F5: variants seen among roughly 807,000 people sequenced by gnomAD.
F5 encodes the protein activated protein c cofactor.
Under a neutral mutation model 216.4 loss-of-function variants are expected in F5, and 138 were observed. That is an observed-to-expected ratio of 0.64 (90% CI 0.56 to 0.73). The LOEUF (loss-of-function observed/expected upper bound fraction) is 0.73. Ranked by LOEUF, F5 falls within the 30% of genes least tolerant of loss-of-function variation. The probability of loss-of-function intolerance (pLI) is 0.00; values close to 1 mark genes in which losing one functional copy is unlikely to be tolerated. For synonymous variants in F5, 916 were observed against 930.7 expected (o/e 0.98, Z 0.29); for missense variants, 2,403 against 2,674.0 (o/e 0.90, Z 2.24).
intron 2 of F5, among the ~76,000 whole-genome samples, chr1:169,579,444 G>C (rs1211237308): frequency 6.6e-6 from 1 of 152,098 alleles, no homozygotes; most frequent in Non-Finnish European, 1.5e-5. Flanking sequence ...TTGTTCTGAT[G>C]TCTCCCAAAT....
chr1:169,540,451 C>A lies in F5; in HGVS notation c.4639G>T (p.Asp1547Tyr). 6.2e-7 allele frequency: 1 copy of A among 1,613,988 alleles called. No individual in the cohort carries two copies. Among genetic ancestry groups the A allele is most frequent in the Non-Finnish European group, 8.5e-7 (1 of 1,179,958 alleles). ...DYAEIDYVPY[D>Y]DPYKTDVRTN... ...CTAACATCAGTTTTGTAGGGGTCAT[C>A]ATAGGGCACATAATCAATTTCAGCA... is the stretch of plus-strand genomic sequence containing the variant. Residue 1547 changes from aspartate (D) to tyrosine (Y), a missense_variant, in exon 13 of 25, where the codon GAT becomes TAT. Physicochemically the swap from Asp to Tyr is radical, Grantham distance 160 (BLOSUM62 -3). This residue lies in a region of F5 where 293 missense variants were observed against 270.8 expected (regional missense o/e 1.08). Transcript: ENST00000367797.
Position 169,525,617 on chromosome 1 carries a change from T to C in F5, c.5716+284A>G, listed in dbSNP as rs1031465709. Among the ~76,000 whole-genome samples, 3 of 152,318 alleles carry C rather than the reference T, an allele frequency of 2.0e-5. No individual in the cohort carries two copies. In the East Asian group the frequency reaches 5.8e-4, roughly 29 times the overall value. On this transcript the variant is annotated intron_variant, in intron 18 of 24. Transcript: ENST00000367797. Reference sequence around the variant, plus strand: ...TCCTGTGACCTTTTCCCTCCTCAACTCTTGGAAGCTGGAAAATTTCTTATA... The same window carrying C: ...TCCTGTGACCTTTTCCCTCCTCAACCCTTGGAAGCTGGAAAATTTCTTATA...
chr1:169,551,221 G>C (rs2420375), intron 8 of F5, among the ~76,000 whole-genome samples: 35,539 of 152,106 alleles, frequency 0.23, 4,271 homozygotes, highest in Admixed American at 0.33. Flanking sequence ...GGCTGAAGCA[G>C]GTGGATCACT....
rs1379371328 is a variant in F5, at chr1:169,512,416, A to C, written c.*1897T>G. On this transcript the variant is annotated 3_prime_UTR_variant, in exon 25 of 25. Coordinates refer to ENST00000367797, the MANE Select transcript of F5 (RefSeq NM_000130.5). Reference sequence around the variant, plus strand: ...TTTCAGAGTAGAGAAGCCCAGGACTAGCTGCGTAATTTGTGGGGCTCATTG... The same window carrying C: ...TTTCAGAGTAGAGAAGCCCAGGACTCGCTGCGTAATTTGTGGGGCTCATTG... Among the ~76,000 whole-genome samples, 1 of 152,058 alleles carries C rather than the reference A, an allele frequency of 6.6e-6. No individual in the cohort carries two copies. Among genetic ancestry groups the C allele is most frequent in the African/African-American group, 2.4e-5 (1 of 41,436 alleles).
At chr1:169,520,166 T>G (rs1169875835) in intron 22 of F5, among the ~76,000 whole-genome samples, 1 of 152,198 alleles carries the variant, frequency 6.6e-6, no homozygotes, top group Non-Finnish European at 1.5e-5. Context: ...CATTGAAGTT[T>G]GAGTGACCTG....
chr1:169,555,458 G>C, intron 6 of F5, 111 bp from the exon 7 acceptor site: 2 of 1,185,402 alleles, frequency 1.7e-6, no homozygotes, highest in South Asian at 2.6e-5. Context: ...TATAATAAGA[G>C]TGAAAGTAAT....
intron 3 of F5, among the ~76,000 whole-genome samples, chr1:169,564,936 G>A (rs1660565829): frequency 1.3e-5 from 2 of 152,020 alleles, no homozygotes; most frequent in South Asian, 4.1e-4. Context: ...CTTGCATAAA[G>A]TCCTTAACGT....
chr1:169,562,966 C>A (rs1310489664), intron 3 of F5, among the ~76,000 whole-genome samples: 4 of 152,024 alleles, frequency 2.6e-5, no homozygotes, highest in Admixed American at 1.3e-4. Context: ...TTTCTTCTAT[C>A]TAAAGGAGTT....
chr1:169,540,678 T>G lies in F5; in HGVS notation c.4412A>C (p.Gln1471Pro). ...DQIFYPSESS[Q>P]SLLLQEFNES... is the part of the protein sequence containing the mutation. ...ATTAAATTCTTGAAGAAGCAATGAC[T>G]GACTAGATTCAGAAGGGTAGAATAT... Residue 1471 changes from glutamine to proline, a missense_variant, in exon 13 of 25, where the codon CAG becomes CCG. Physicochemically the swap from Gln to Pro is moderately conservative, Grantham distance 76. Coordinates refer to ENST00000367797, the MANE Select transcript of F5 (RefSeq NM_000130.5). 4 of 1,614,074 alleles carry G rather than the reference T, an allele frequency of 2.5e-6. No homozygotes were observed. The highest frequency in any genetic ancestry group is 3.4e-6 in the Non-Finnish European group (4 of 1,179,974).
Position 169,541,459 on chromosome 1 carries a change from T to C in F5, c.3631A>G (p.Thr1211Ala), listed in dbSNP as rs140303718. Residue 1211 changes from threonine (T) to alanine (A), a missense_variant, in exon 13 of 25, where the codon ACG becomes GCG. Coordinates refer to ENST00000367797, the MANE Select transcript of F5 (RefSeq NM_000130.5). ...QTNLSPDLSHTTLSPELIQRN... is the reference protein window; with the variant it reads ...QTNLSPDLSHATLSPELIQRN... ...TGAATGAGTTCTGGAGAGAGAGTCG[T>C]GTGGCTGAGGTCTGGAGAGAGGTTT... 2 of 1,613,838 alleles carry C rather than the reference T, an allele frequency of 1.2e-6. No individual in the cohort carries two copies. The highest frequency in any genetic ancestry group is 1.7e-6 in the Non-Finnish European group (2 of 1,179,986).
In F5 at chr1:169,519,568, C is replaced by T. The variant is rs554215333; in HGVS notation, c.6193+952G>A. Among the ~76,000 whole-genome samples, 6 of 152,326 alleles carry T rather than the reference C, an allele frequency of 3.9e-5. No individual in the cohort carries two copies. In the East Asian group the frequency reaches 1.2e-3, roughly 29 times the overall value. ...ATACCCATATCCATCCAAGGGTATA[C>T]TGTGCCATTATCTGCTTCAACAGGA... On this transcript the variant is annotated intron_variant, in intron 22 of 24. Coordinates refer to ENST00000367797, the MANE Select transcript of F5 (RefSeq NM_000130.5).
At chr1:169,523,076 C>A in intron 21 of F5, 121 bp downstream of exon 21, 3 of 1,050,824 alleles carry the variant, frequency 2.9e-6, no homozygotes, top group Non-Finnish European at 4.3e-6. Flanking sequence ...CCTTAGAAAG[C>A]CATTCACATT....
At chr1:169,551,701 T>C (rs975649097) in intron 8 of F5, among the ~76,000 whole-genome samples, 4 of 152,222 alleles carry the variant, frequency 2.6e-5, no homozygotes, top group African/African-American at 9.6e-5. Flanking sequence ...CTTAATCCTA[T>C]CTTCTATTTG....
In F5 at chr1:169,560,657, G is replaced by C. The variant is rs781747159; in HGVS notation, c.483C>G (p.Thr161=). ...GTGTGAGGCATGGAGGGTCATCATG[G>C]GTGGGTCCACTGTCCTCACTGATAC... is the stretch of plus-strand genomic sequence containing the variant. ...EWSISEDSGP[T]HDDPPCLTHI... is the part of the protein sequence containing the mutation. Residue 161 remains threonine (T), a synonymous_variant, in exon 4 of 25, where the codon ACC becomes ACG. Transcript: ENST00000367797. 5 of 1,613,720 alleles carry C rather than the reference G, an allele frequency of 3.1e-6. No individual in the cohort carries two copies. In the South Asian group the frequency reaches 4.4e-5, roughly 14 times the overall value.
intron 3 of F5, among the ~76,000 whole-genome samples, chr1:169,571,184 A>G (rs2213871): frequency 0.25 from 37,270 of 152,088 alleles, 5,379 homozygotes; most frequent in South Asian, 0.36. Flanking sequence ...TCTGAACATC[A>G]GCATAATGGG....
intron 14 of F5, among the ~76,000 whole-genome samples, chr1:169,532,386 G>T (rs112010780): frequency 6.6e-6 from 1 of 152,034 alleles, no homozygotes; most frequent in African/African-American, 2.4e-5. Flanking sequence ...GGCAACCAAA[G>T]AAGAAAAGAA....
intron 1 of F5, among the ~76,000 whole-genome samples, chr1:169,585,544 G>T (rs1202529677): frequency 1.3e-5 from 2 of 151,986 alleles, no homozygotes; most frequent in Admixed American, 6.6e-5. Flanking sequence ...TATTTTATCT[G>T]AATTAAACCT....
rs1453659819 is a variant in F5, at chr1:169,512,518, T to C, written c.*1795A>G. ...TAACTGCAAAGCATTAAATTTAGCA[T>C]GCGGTCCTTCTGAGCATGTGACCCT... On this transcript the variant is annotated 3_prime_UTR_variant, in exon 25 of 25. Coordinates refer to ENST00000367797, the MANE Select transcript of F5 (RefSeq NM_000130.5). Among the ~76,000 whole-genome samples the C allele has an allele frequency of 6.6e-6, 1 of 152,084 alleles. No individual in the cohort carries two copies. Among genetic ancestry groups the C allele is most frequent in the East Asian group, 1.9e-4 (1 of 5,192 alleles).
chr1:169,556,396 G>A (rs1660325566), intron 6 of F5, among the ~76,000 whole-genome samples: 1 of 88,052 alleles, frequency 1.1e-5, no homozygotes. Context: ...TTTCGAGGAA[G>A]TTAGAGATCT....
Sources: gnomAD v4.1 joint callset for allele counts (sites outside exome capture counted in the v4.1 genomes callset) on GRCh38, gnomAD v4.1.1 for gene constraint, gnomAD v4.1.1 regional missense constraint, MANE v1.5 for transcripts, NCBI Gene and HGNC (gene_info 2026-07-23, HGNC 2026-07-21) for gene names.